The following MAPK6 variants were observed in gnomAD, a reference collection of about 807,000 sequenced individuals.
MAPK6 encodes ERK-3.
A neutral mutation model predicts 59.3 loss-of-function variants in MAPK6; 19 were observed. The ratio of observed to expected loss-of-function variants is 0.32; its 90% CI spans 0.22 to 0.47. The LOEUF (loss-of-function observed/expected upper bound fraction) is 0.47, where lower values mean the gene tolerates loss of function less well. Among genes scored for constraint, MAPK6 ranks in the 20% least tolerant of loss-of-function variants. The pLI is 1.00. For missense variants in MAPK6, 724 were observed against 847.9 expected (o/e 0.85, Z 1.81); for synonymous variants, 316 against 290.3 (o/e 1.09, Z -0.90).
intron 3 of MAPK6, among the ~76,000 whole-genome samples, chr15:52,051,176 G>C (rs1176249004): frequency 6.6e-6 from 1 of 152,044 alleles, no homozygotes; most frequent in Non-Finnish European, 1.5e-5. Flanking sequence ...TCCTGCCTCA[G>C]CCTCCCGAGT....
chr15:51,974,355 A>G (rs1267913453), intron 1 of MAPK6, among the ~76,000 whole-genome samples: 1 of 151,568 alleles, frequency 6.6e-6, no homozygotes, highest in Non-Finnish European at 1.5e-5. Context: ...TTAACTTTGA[A>G]TGTTAAGATG....
intron 1 of MAPK6, among the ~76,000 whole-genome samples, chr15:52,035,899 G>A (rs2031225722): frequency 6.6e-6 from 1 of 152,034 alleles, no homozygotes; most frequent in Non-Finnish European, 1.5e-5. Context: ...TTCTTTACAT[G>A]CTTAGCTCTC....
At chr15:52,023,715 G>A (rs1325384035) in intron 1 of MAPK6, among the ~76,000 whole-genome samples, 1 of 152,200 alleles carries the variant, frequency 6.6e-6, no homozygotes, top group East Asian at 1.9e-4. Context: ...AGGTTCAAGC[G>A]ATTCTTCAGC....
intron 3 of MAPK6, among the ~76,000 whole-genome samples, chr15:52,055,815 G>GTATT (rs2031959243): frequency 6.6e-6 from 1 of 152,176 alleles, no homozygotes; most frequent in African/African-American, 2.4e-5. Flanking sequence ...GCTCTCGGCT[G>GTATT]TATTTGTGTA....
intron 1 of MAPK6, chr15:52,033,853 A>T (rs1301210599): frequency 1.3e-5 from 2 of 150,760 alleles, no homozygotes; most frequent in African/African-American, 4.9e-5. Context: ...TTTGGTACTT[A>T]AAACATATTC....
Position 52,043,965 on chromosome 15 carries a change from G to A in MAPK6, c.-631-1865G>A, listed in dbSNP as rs968265281. On this transcript the variant is annotated intron_variant, in intron 1 of 5. Transcript: ENST00000261845. ...TACTTTTTGTATTTTTAGTAGAGAC[G>A]GGGTTTCACCATATTGGCCAGGCTG... Among the ~76,000 whole-genome samples, 5 of 151,518 alleles carry A rather than the reference G, an allele frequency of 3.3e-5. No homozygotes were observed. The South Asian group carries it at 6.3e-4, about 19-fold the overall frequency.
At chr15:51,980,992 G>A (rs959583783) in intron 1 of MAPK6, among the ~76,000 whole-genome samples, 3 of 151,672 alleles carry the variant, frequency 2.0e-5, no homozygotes, top group Admixed American at 6.6e-5. Context: ...AATGTAAGCT[G>A]TTTTCTAAAA....
intron 1 of MAPK6, among the ~76,000 whole-genome samples, chr15:51,982,206 AT>A (rs1408941402): frequency 6.6e-6 from 1 of 152,198 alleles, no homozygotes; most frequent in Non-Finnish European, 1.5e-5. Flanking sequence ...CTTTCACTGG[AT>A]TTCCTTATCC....
intron 1 of MAPK6, among the ~76,000 whole-genome samples, chr15:51,975,538 T>TA (rs1022543679): frequency 1.5e-4 from 22 of 144,686 alleles, no homozygotes; most frequent in South Asian, 4.4e-4. Flanking sequence ...AGACTCCGTC[T>TA]AAAAAAAAAA....
intron 3 of MAPK6, among the ~76,000 whole-genome samples, chr15:52,051,616 G>A (rs1185134281): frequency 6.6e-6 from 1 of 152,120 alleles, no homozygotes; most frequent in African/African-American, 2.4e-5. Flanking sequence ...TCTCACGCCT[G>A]TAATCCCAGC....
chr15:52,033,959 T>A (rs1049789907), intron 1 of MAPK6: 6 of 152,128 alleles, frequency 3.9e-5, no homozygotes, highest in African/African-American at 1.2e-4. Flanking sequence ...CCCTGGTTGC[T>A]TTTTTGTTTT....
chr15:51,980,293 TAA>T (rs56978128), intron 1 of MAPK6, among the ~76,000 whole-genome samples: 9,933 of 142,850 alleles, frequency 0.07, 808 homozygotes, highest in African/African-American at 0.18. Context: ...AAAACTGTCT[TAA>T]AAAAAAAAAA....
intron 1 of MAPK6, chr15:52,024,798 C>G (rs540592454): frequency 6.6e-6 from 1 of 151,706 alleles, no homozygotes; most frequent in East Asian, 1.9e-4. Flanking sequence ...TCATAACGCA[C>G]TGCCACCTGG....
chr15:51,978,181 G>A (rs1048744818), intron 1 of MAPK6, among the ~76,000 whole-genome samples: 8 of 150,732 alleles, frequency 5.3e-5, no homozygotes, highest in African/African-American at 1.5e-4. Context: ...CGCCCAAGCT[G>A]GAGTACAGTG....
intron 3 of MAPK6, among the ~76,000 whole-genome samples, chr15:52,012,898 A>G (rs1365602543): frequency 6.7e-6 from 1 of 149,638 alleles, no homozygotes; most frequent in Non-Finnish European, 1.5e-5. Flanking sequence ...GAGGCATGAG[A>G]ATGCCTTGAA....
chr15:51,993,930 C>T lies in MAPK6; in HGVS notation c.-769-10335C>T, dbSNP rs1445295739. 3.3e-5 allele frequency among the ~76,000 whole-genome samples: 5 copies of T among 151,710 alleles called. No homozygotes were observed. The South Asian group carries it at 8.3e-4, about 25-fold the overall frequency. ...TACCGGAACACACCACCATGCCCAG[C>T]TTAGCTCTCGGTTTCTTTTTATTTA... On this transcript the variant is annotated intron_variant, in intron 2 of 7. Transcript: ENST00000691380.
chr15:52,034,323 G>GTT (rs535032298), intron 1 of MAPK6, among the ~76,000 whole-genome samples: 8 of 142,860 alleles, frequency 5.6e-5, no homozygotes, highest in African/African-American at 1.8e-4. Context: ...TTTGTCGTTC[G>GTT]TTTTTTTTTT....
At chr15:52,009,489 A>G (rs1477529104) in intron 3 of MAPK6, among the ~76,000 whole-genome samples, 2 of 152,214 alleles carry the variant, frequency 1.3e-5, no homozygotes, top group Non-Finnish European at 2.9e-5. Flanking sequence ...TTCTCTTAAA[A>G]TGTGTGTGTT....
intron 3 of MAPK6, among the ~76,000 whole-genome samples, chr15:52,013,169 C>CATAAACT (rs1268300909): frequency 3.3e-5 from 5 of 150,196 alleles, no homozygotes; most frequent in African/African-American, 1.2e-4. Context: ...AATCTAAACC[C>CATAAACT]ACATCACTCC....
Sources: allele counts gnomAD v4.1 joint callset (sites outside exome capture counted in the v4.1 genomes callset), GRCh38; gene constraint gnomAD v4.1.1; transcripts MANE v1.5; gene names NCBI Gene and HGNC (gene_info 2026-07-23, HGNC 2026-07-21).